Variants in SLC35F2 observed in about 807,000 individuals in gnomAD.
SLC35F2 encodes queuine/queuosine transporter SLC35F2.
SLC35F2 carries 25 observed loss-of-function variants against 38.1 expected under a neutral mutation model. The observed-to-expected ratio is 0.66, with a 90% CI of 0.48 to 0.92. The LOEUF (loss-of-function observed/expected upper bound fraction) is 0.92. Ranked by LOEUF, SLC35F2 falls within the 40% of genes least tolerant of loss-of-function variation. The pLI is 0.00. For missense variants in SLC35F2, 409 were observed against 452.9 expected (o/e 0.90, Z 0.88); for synonymous variants, 173 against 181.7 (o/e 0.95, Z 0.38).
chr11:107,803,133 G>C lies in SLC35F2; in HGVS notation c.807C>G (p.Ala269=). 1 of 1,609,516 alleles carries C rather than the reference G, an allele frequency of 6.2e-7. No homozygotes were observed. Residue 269 remains alanine (A), a synonymous_variant, in exon 7 of 8, where the codon GCC becomes GCG. Transcript: ENST00000525815. ...WKIALLFVAF[A]LCMFCLYSFM... ...AGCTGTACAGGCAAAACATACACAG[G>C]GCAAATGCCACGAACAGCAGGGCTG...
intron 1 of SLC35F2, among the ~76,000 whole-genome samples, chr11:107,848,995 T>C (rs537245365): frequency 2.0e-5 from 3 of 152,356 alleles, no homozygotes; most frequent in African/African-American, 4.8e-5. Context: ...CATGAGATTT[T>C]TGAAAGAGTA....
intron 2 of SLC35F2, among the ~76,000 whole-genome samples, chr11:107,813,865 G>A (rs1479964043): frequency 1.3e-5 from 2 of 151,976 alleles, no homozygotes; most frequent in Admixed American, 6.6e-5. Flanking sequence ...GAGTTTCATC[G>A]TGTTGCCCAG....
intron 1 of SLC35F2, among the ~76,000 whole-genome samples, chr11:107,828,762 A>G (rs73003360): frequency 0.058 from 8,759 of 152,242 alleles, 517 homozygotes; most frequent in African/African-American, 0.15. Context: ...AGAAAAAATT[A>G]TATGTCTCCT....
chr11:107,816,906 T>C (rs1859582869), intron 1 of SLC35F2, among the ~76,000 whole-genome samples: 1 of 152,012 alleles, frequency 6.6e-6, no homozygotes, highest in Non-Finnish European at 1.5e-5. Flanking sequence ...GGGAACATAA[T>C]GAGATCACTA....
intron 2 of SLC35F2, among the ~76,000 whole-genome samples, chr11:107,813,322 G>C (rs187239549): frequency 6.2e-4 from 94 of 152,224 alleles, no homozygotes; most frequent in African/African-American, 1.9e-3. Context: ...GCAGGTGCCT[G>C]TAATTCCAGC....
At chr11:107,834,121 CA>C (rs1276784632) in intron 1 of SLC35F2, among the ~76,000 whole-genome samples, 1 of 152,146 alleles carries the variant, frequency 6.6e-6, no homozygotes, top group Admixed American at 6.5e-5. Context: ...TCTACTTACA[CA>C]GGTTAACTCC....
intron 1 of SLC35F2, among the ~76,000 whole-genome samples, chr11:107,836,312 C>T (rs1859930516): frequency 6.7e-6 from 1 of 149,356 alleles, no homozygotes; most frequent in Non-Finnish European, 1.5e-5. Flanking sequence ...TCTAGGTGTT[C>T]TTATTTCTTT....
chr11:107,812,753 T>C (rs1456758560), intron 2 of SLC35F2, among the ~76,000 whole-genome samples: 1 of 152,208 alleles, frequency 6.6e-6, no homozygotes, highest in Non-Finnish European at 1.5e-5. Flanking sequence ...TATGAGCTTG[T>C]ATGTCGCCAC....
In SLC35F2 at chr11:107,831,862, G is replaced by A. The variant is rs568684207; in HGVS notation, c.111-15897C>T. On this transcript the variant is annotated intron_variant, in intron 1 of 7. Transcript: ENST00000525815. ...TTCTGGCAAAGAACAGGAATCAAGA[G>A]GTTCAGGTGTCAGCCTTCTTATCTA... Among the ~76,000 whole-genome samples the A allele has an allele frequency of 4.6e-5, 7 of 152,246 alleles. No individual in the cohort carries two copies. The South Asian group carries it at 1.0e-3, about 23-fold the overall frequency.
chr11:107,802,864 A>G lies in SLC35F2; in HGVS notation c.939+137T>C, dbSNP rs1381050213. 3 of 804,560 alleles carry G rather than the reference A, an allele frequency of 3.7e-6. No homozygotes were observed. In the East Asian group the frequency reaches 8.8e-5, roughly 24 times the overall value. 49.8% of individuals were successfully genotyped at this position (804,560 alleles called of 1,614,324 possible). ...ACCCATTTTGTAATTCAGAAGCAGCAAAGGGAGGCCTGACCAATGAAATTC... is the reference window on the plus strand; with the variant it reads ...ACCCATTTTGTAATTCAGAAGCAGCGAAGGGAGGCCTGACCAATGAAATTC... On this transcript the variant is annotated intron_variant, in intron 7 of 7. Coordinates refer to ENST00000525815, the MANE Select transcript of SLC35F2 (RefSeq NM_017515.5).
chr11:107,806,791 G>A lies in SLC35F2; in HGVS notation c.500C>T (p.Ala167Val). 1 of 1,614,038 alleles carries A rather than the reference G, an allele frequency of 6.2e-7. No homozygotes were observed. Among genetic ancestry groups the A allele is most frequent in the South Asian group, 1.1e-5 (1 of 91,084 alleles). ...TACACCCAACAGACAGACAGCCACG[G>A]CGATGAAGTGGATCACTCTGTATCT... ...HARYRVIHFI[A>V]VAVCLLGVGT... Residue 167 changes from alanine (A) to valine (V), a missense_variant, in exon 4 of 8, where the codon GCC becomes GTC. Physicochemically the swap from Ala to Val is moderately conservative, Grantham distance 64 (BLOSUM62 0). Coordinates refer to ENST00000525815, the MANE Select transcript of SLC35F2 (RefSeq NM_017515.5).
intron 1 of SLC35F2, among the ~76,000 whole-genome samples, chr11:107,845,879 G>C (rs1019790426): frequency 1.3e-5 from 2 of 151,860 alleles, no homozygotes; most frequent in African/African-American, 4.8e-5. Context: ...CTTGAACCCA[G>C]GAGGCAGAGG....
chr11:107,824,777 C>T (rs963262141), intron 1 of SLC35F2, among the ~76,000 whole-genome samples: 3 of 152,232 alleles, frequency 2.0e-5, no homozygotes, highest in African/African-American at 7.2e-5. Flanking sequence ...TTCCTTCCTT[C>T]CTCTGGCTCG....
At chr11:107,837,769 C>G (rs1036490957) in intron 1 of SLC35F2, among the ~76,000 whole-genome samples, 1 of 151,978 alleles carries the variant, frequency 6.6e-6, no homozygotes. Context: ...GAATGATGAC[C>G]TCTAAATTCC....
intron 1 of SLC35F2, among the ~76,000 whole-genome samples, chr11:107,837,603 A>G (rs1248348536): frequency 1.3e-5 from 2 of 151,794 alleles, no homozygotes; most frequent in Non-Finnish European, 2.9e-5. Flanking sequence ...CTGACGCAGG[A>G]GAATCAGTTG....
chr11:107,855,861 C>T (rs1026841345), intron 1 of SLC35F2, among the ~76,000 whole-genome samples: 3 of 150,496 alleles, frequency 2.0e-5, no homozygotes, highest in African/African-American at 7.3e-5. Context: ...GCTTATAATC[C>T]CAGCACTTTT....
chr11:107,808,036 A>G (rs1339207068), intron 3 of SLC35F2, among the ~76,000 whole-genome samples: 2 of 152,246 alleles, frequency 1.3e-5, no homozygotes, highest in Non-Finnish European at 2.9e-5. Context: ...TTAGGAGCAC[A>G]CAAAGCTAGA....
At chr11:107,834,201 G>A (rs1274334215) in intron 1 of SLC35F2, among the ~76,000 whole-genome samples, 4 of 152,128 alleles carry the variant, frequency 2.6e-5, no homozygotes, top group Admixed American at 6.6e-5. Flanking sequence ...GAGTTTGTCC[G>A]GCTTTCCCAG....
At chr11:107,800,081 G>T (rs191362320) in intron 7 of SLC35F2, among the ~76,000 whole-genome samples, 1 of 150,786 alleles carries the variant, frequency 6.6e-6, no homozygotes, top group Non-Finnish European at 1.5e-5. Flanking sequence ...GTAGAGACAG[G>T]GTTTCACCGT....
Sources: allele counts gnomAD v4.1 joint callset (sites outside exome capture counted in the v4.1 genomes callset), GRCh38; gene constraint gnomAD v4.1.1; transcripts MANE v1.5; gene names NCBI Gene and HGNC (gene_info 2026-07-23, HGNC 2026-07-21).